The following ARL6IP5 variants were observed in gnomAD, a reference collection of about 807,000 sequenced individuals.
ARL6IP5 encodes the protein ARF like GTPase 6 interacting protein 5.
In ARL6IP5, 6 loss-of-function variants were observed where a neutral mutation model predicts 13.0. The observed-to-expected ratio is 0.46, with a 90% confidence interval of 0.25 to 0.91. ARL6IP5 has a LOEUF of 0.91. Among genes scored for constraint, ARL6IP5 ranks in the 40% least tolerant of loss-of-function variants. The pLI, the probability that ARL6IP5 is intolerant of heterozygous loss-of-function variation, is 0.17. For missense variants in ARL6IP5, 208 were observed against 248.8 expected (o/e 0.84, Z 1.10); for synonymous variants, 91 against 91.9 (o/e 0.99, Z 0.06).
chr3:69,100,502 G>T (rs1194897243), intron 1 of ARL6IP5, among the ~76,000 whole-genome samples: 1 of 152,098 alleles, frequency 6.6e-6, no homozygotes, highest in African/African-American at 2.4e-5. Flanking sequence ...ATTAGACTGG[G>T]CATGGTGTGG....
intron 1 of ARL6IP5, among the ~76,000 whole-genome samples, chr3:69,092,844 A>G (rs921127146): frequency 1.3e-5 from 2 of 150,104 alleles, no homozygotes; most frequent in Non-Finnish European, 3.0e-5. Context: ...TTAATTTTCT[A>G]AAATCATTCA....
At chr3:69,087,783 A>G (rs1241694433) in intron 1 of ARL6IP5, among the ~76,000 whole-genome samples, 3 of 149,118 alleles carry the variant, frequency 2.0e-5, no homozygotes, top group Admixed American at 6.7e-5. Flanking sequence ...TTAAAAACTT[A>G]CAAAAGATAC....
At chr3:69,101,316 C>CTTTTTTTTTTTTTTTG (rs2092304491) in intron 1 of ARL6IP5, among the ~76,000 whole-genome samples, 1 of 119,446 alleles carries the variant, frequency 8.4e-6, no homozygotes, top group African/African-American at 3.6e-5. Flanking sequence ...TCAGCTCCAC[C>CTTTTTTTTTTTTTTTG]TTTTTTTTTT....
chr3:69,090,575 G>A (rs909060058), intron 1 of ARL6IP5, among the ~76,000 whole-genome samples: 3 of 152,180 alleles, frequency 2.0e-5, no homozygotes, highest in Admixed American at 6.5e-5. Context: ...AAATCTCTCA[G>A]GTGTTGGGAA....
chr3:69,093,344 A>T (rs561837851), intron 1 of ARL6IP5, among the ~76,000 whole-genome samples: 4 of 152,172 alleles, frequency 2.6e-5, no homozygotes, highest in Non-Finnish European at 4.4e-5. Context: ...GGTTAGGAAA[A>T]TCTCACTATG....
Position 69,100,462 on chromosome 3 carries a change from C to T in ARL6IP5, c.177-1377C>T, listed in dbSNP as rs959121207. ...GGGGCAGGCAGGTTATGTAAGAGAG[C>T]GATTCAGGCCAGCTATTAGAAAAAC... On this transcript the variant is annotated intron_variant, in intron 1 of 2. Transcript: ENST00000273258. Among the ~76,000 whole-genome samples the T allele has an allele frequency of 2.6e-5, 4 of 151,934 alleles. No homozygotes were observed. The East Asian group carries it at 5.8e-4, about 22-fold the overall frequency.
At position 69,104,965 on chromosome 3, in the gene ARL6IP5, T is replaced by C. The variant is rs953156166; in HGVS notation, c.*329T>C. 3.4e-5 allele frequency: 23 copies of C among 670,688 alleles called. No individual in the cohort carries two copies. The highest frequency in any genetic ancestry group is 1.7e-4 in the African/African-American group (9 of 54,304). The allele number at this position is 670,688 out of a possible 1,614,324, so 41.5% of individuals were successfully genotyped here. A position where few individuals can be genotyped will look rare whatever the true frequency, so the allele number is the denominator to read the frequency against. ...TTTTACAGCAACAATACGATTATCT[T>C]ATAGGAAAAAAAAAATCATTGTAAA... On this transcript the variant is annotated 3_prime_UTR_variant, in exon 3 of 3. Coordinates refer to ENST00000273258, the MANE Select transcript of ARL6IP5 (RefSeq NM_006407.4).
chr3:69,104,867 G>A lies in ARL6IP5; in HGVS notation c.*231G>A, dbSNP rs2092317875. 1.4e-6 allele frequency: 1 copy of A among 704,430 alleles called. No homozygotes were observed. The highest frequency in any genetic ancestry group is 2.6e-6 in the Non-Finnish European group (1 of 386,742). The allele number at this position is 704,430 out of a possible 1,614,324, so 43.6% of individuals were successfully genotyped here. ...CTATTGTGTCTGAAGTTTCACGTGT[G>A]TTTATGAAATCTAATGGGAAATGGA... On this transcript the variant is annotated 3_prime_UTR_variant, in exon 3 of 3. Coordinates refer to ENST00000273258, the MANE Select transcript of ARL6IP5 (RefSeq NM_006407.4).
chr3:69,101,453 G>A (rs1259190561), intron 1 of ARL6IP5, among the ~76,000 whole-genome samples: 1 of 151,574 alleles, frequency 6.6e-6, no homozygotes, highest in Non-Finnish European at 1.5e-5. Context: ...CTCCTGAGTA[G>A]CTGGGAACAC....
intron 1 of ARL6IP5, among the ~76,000 whole-genome samples, chr3:69,095,720 C>G (rs2092284935): frequency 6.6e-6 from 1 of 152,114 alleles, no homozygotes. Context: ...GTCTCAAACT[C>G]CTAGCTTCAG....
At chr3:69,091,591 G>A (rs927386485) in intron 1 of ARL6IP5, among the ~76,000 whole-genome samples, 7 of 151,580 alleles carry the variant, frequency 4.6e-5, no homozygotes, top group Non-Finnish European at 8.8e-5. Context: ...GGTATGGCTG[G>A]CACACCTTTG....
intron 1 of ARL6IP5, among the ~76,000 whole-genome samples, chr3:69,092,562 C>A (rs1408735749): frequency 6.6e-6 from 1 of 152,168 alleles, no homozygotes; most frequent in East Asian, 1.9e-4. Flanking sequence ...CCTCTGCCTC[C>A]CAGGTTCAAG....
intron 1 of ARL6IP5, chr3:69,090,031 C>T (rs1445193563): frequency 1.1e-5 from 4 of 348,832 alleles, no homozygotes; most frequent in Non-Finnish European, 2.3e-5. Context: ...TCAAAATGAA[C>T]GTGGCTTGGT....
intron 1 of ARL6IP5, among the ~76,000 whole-genome samples, chr3:69,086,020 T>C (rs1333446517): frequency 6.6e-6 from 1 of 152,226 alleles, no homozygotes; most frequent in Non-Finnish European, 1.5e-5. Context: ...CTCTCGCTTA[T>C]GCAGGATGGG....
At chr3:69,102,483 C>T (rs1317194288) in intron 2 of ARL6IP5, among the ~76,000 whole-genome samples, 2 of 152,160 alleles carry the variant, frequency 1.3e-5, no homozygotes, top group Non-Finnish European at 2.9e-5. Flanking sequence ...TGATCTCGGA[C>T]TCCCAAGCTT....
In ARL6IP5 at chr3:69,104,925, TAAAAG is replaced by T. The variant is rs759769308; in HGVS notation, c.*292_*296del. 2.9e-6 allele frequency: 2 copies of T among 692,448 alleles called. No homozygotes were observed. The highest frequency in any genetic ancestry group is 2.1e-5 in the Admixed American group (1 of 47,480). The allele number at this position is 692,448 out of a possible 1,614,324, so 42.9% of individuals were successfully genotyped here. On this transcript the variant is annotated 3_prime_UTR_variant, in exon 3 of 3. Coordinates refer to ENST00000273258, the MANE Select transcript of ARL6IP5 (RefSeq NM_006407.4). ...ATTTCTTTAAGGGAATTAAAAAAAA[TAAAAG>T]AATTACGGCTTTTACAGCAACAATA... is the stretch of plus-strand genomic sequence containing the variant.
In ARL6IP5 at chr3:69,104,979, A is replaced by T; in HGVS notation, c.*343A>T. On this transcript the variant is annotated 3_prime_UTR_variant, in exon 3 of 3. Coordinates refer to ENST00000273258, the MANE Select transcript of ARL6IP5 (RefSeq NM_006407.4). ...TACGATTATCTTATAGGAAAAAAAA[A>T]ATCATTGTAAAGTATCAAGACAATA... 3.0e-6 allele frequency: 2 copies of T among 668,832 alleles called. No homozygotes were observed. The highest frequency in any genetic ancestry group is 5.3e-6 in the Non-Finnish European group (2 of 374,016). The allele number at this position is 668,832 out of a possible 1,614,324, so 41.4% of individuals were successfully genotyped here.
intron 2 of ARL6IP5, among the ~76,000 whole-genome samples, chr3:69,102,984 A>G (rs2092310943): frequency 6.6e-6 from 1 of 152,234 alleles, no homozygotes; most frequent in Non-Finnish European, 1.5e-5. Flanking sequence ...AAATTCTAGT[A>G]TATTAAGTGA....
In ARL6IP5 at chr3:69,098,240, C is replaced by CTTTTT. The variant is rs34413250; in HGVS notation, c.177-3582_177-3578dup. Among the ~76,000 whole-genome samples the CTTTTT allele has an allele frequency of 4.3e-4, 31 of 71,816 alleles. 1 individual carries two copies. Among genetic ancestry groups the CTTTTT allele is most frequent in the African/African-American group, 8.8e-4 (14 of 15,856 alleles). 47.1% of individuals were successfully genotyped at this position (71,816 alleles called of 152,430 possible). A position where few individuals can be genotyped will look rare whatever the true frequency, so the allele number is the denominator to read the frequency against. On this transcript the variant is annotated intron_variant, in intron 1 of 2. Transcript: ENST00000273258. ...TACAGGTGCCTGCCACCATACCTGG[C>CTTTTT]TTTTTTTTTTTTTTTTTTTTTGAGA...
Sources: allele counts gnomAD v4.1 joint callset (sites outside exome capture counted in the v4.1 genomes callset), GRCh38; gene constraint gnomAD v4.1.1; transcripts MANE v1.5; gene names NCBI Gene and HGNC (gene_info 2026-07-23, HGNC 2026-07-21).